The following ATP1A1 variants were observed in gnomAD, a reference collection of about 807,000 sequenced individuals.
The protein encoded by ATP1A1 is ATPase Na+/K+ transporting subunit alpha 1, also known as sodium/potassium-transporting ATPase subunit alpha-1.
In ATP1A1, 14 loss-of-function variants were observed where a neutral mutation model predicts 114.8. The ratio of observed to expected loss-of-function variants is 0.12; its 90% confidence interval spans 0.08 to 0.19. The LOEUF is 0.19. ATP1A1 is among the 10% of genes least tolerant of loss of function. ATP1A1 has a pLI of 1.00. For missense variants in ATP1A1, 524 were observed against 1,290.7 expected, an observed-to-expected ratio of 0.41 and a Z score of 9.10; for synonymous variants, 471 against 466.3, an observed-to-expected ratio of 1.01 and a Z score of -0.13.
chr1:116,391,476 C>A (rs554115967), intron 10 of ATP1A1, among the ~76,000 whole-genome samples: 114 of 152,162 alleles, frequency 7.5e-4, no homozygotes, highest in African/African-American at 2.6e-3. Flanking sequence ...ACTATGCTGC[C>A]CAAGTGAAGA....
At chr1:116,390,014 T>C in intron 8 of ATP1A1, 199 bp from the exon 9 acceptor site, 1 of 675,230 alleles carries the variant, frequency 1.5e-6, no homozygotes, top group Non-Finnish European at 2.5e-6. Flanking sequence ...ATCCTGTTAT[T>C]ATTTTTCTTA....
At chr1:116,380,774 C>G (rs1315758986) in intron 1 of ATP1A1, among the ~76,000 whole-genome samples, 1 of 152,088 alleles carries the variant, frequency 6.6e-6, no homozygotes, top group African/African-American at 2.4e-5. Flanking sequence ...TTCCCTCTAC[C>G]CAGATCAAAT....
chr1:116,373,330 C>A lies in ATP1A1; in HGVS notation c.-182C>A. The A allele has an allele frequency of 1.9e-6, 1 of 521,750 alleles. No individual in the cohort carries two copies. The highest frequency in any genetic ancestry group is 3.1e-6 in the Non-Finnish European group (1 of 326,144). 32.3% of individuals were successfully genotyped at this position (521,750 alleles called of 1,614,324 possible). On this transcript the variant is annotated 5_prime_UTR_variant, in exon 1 of 23. Coordinates refer to ENST00000295598, the MANE Select transcript of ATP1A1 (RefSeq NM_000701.8). ...GCGGTAGCAGCCCGGGCGGCGGCAG[C>A]AACAGCGGCGGCGGCATCGGCCCGA...
rs1376975840 is a variant in ATP1A1 at position 116,393,349 on chromosome 1, CATT to C, written c.1468-181_1468-179del. 7.4e-6 allele frequency among the ~76,000 whole-genome samples: 1 copy of C among 134,506 alleles called. No homozygotes were observed. Among genetic ancestry groups the C allele is most frequent in the Non-Finnish European group, 1.5e-5 (1 of 67,670 alleles). 88.2% of individuals were successfully genotyped at this position (134,506 alleles called of 152,430 possible). A position where few individuals can be genotyped will look rare whatever the true frequency, so the allele number is the denominator to read the frequency against. On this transcript the variant is annotated intron_variant, in intron 11 of 22. Transcript: ENST00000295598. The surrounding 1 kb of genome is among the most constrained non-coding windows in gnomAD (Gnocchi z 5.0). ...GAATTTATGAATATATCATAGTGCT[CATT>C]TTTTTTTTTTTCTGTAGCATTCAAA...
At chr1:116,394,972 C>G in intron 12 of ATP1A1, 138 bp from the exon 13 acceptor site, 1 of 807,816 alleles carries the variant, frequency 1.2e-6, no homozygotes, top group Non-Finnish European at 1.9e-6. Flanking sequence ...AACCCTCACT[C>G]TGTTATAAAA....
At position 116,404,558 on chromosome 1, in the gene ATP1A1, C is replaced by T. The variant is rs1193353823; in HGVS notation, c.*114C>T. On this transcript the variant is annotated 3_prime_UTR_variant, in exon 23 of 23. Transcript: ENST00000295598. The surrounding 1 kb of genome is among the most constrained non-coding windows in gnomAD (Gnocchi z 4.8). ...GGAACTCTACCCTGGTAGGAAAGCA[C>T]CGCAGCATGTGGGGAAGCAAGACGT... 1.4e-6 allele frequency: 2 copies of T among 1,446,182 alleles called. No homozygotes were observed. The highest frequency in any genetic ancestry group is 1.8e-6 in the Non-Finnish European group (2 of 1,101,570). 89.6% of individuals were successfully genotyped at this position (1,446,182 alleles called of 1,614,324 possible). A position where few individuals can be genotyped will look rare whatever the true frequency, so the allele number is the denominator to read the frequency against.
At position 116,385,780 on chromosome 1, in the gene ATP1A1, C is replaced by G. The variant is rs185069503; in HGVS notation, c.183+938C>G. On this transcript the variant is annotated intron_variant, in intron 3 of 22. Transcript: ENST00000295598. The surrounding 1 kb of genome is among the most constrained non-coding windows in gnomAD (Gnocchi z 4.3). The stretch of plus-strand genomic sequence containing the variant: ...GGAAACCTTGGTGGTGGGGAGAAAC[C>G]GCCACACCTTTGCTCACAGAAGTCA... 2.6e-5 allele frequency: 4 copies of G among 152,042 alleles called. No individual in the cohort carries two copies. Among genetic ancestry groups the G allele is most frequent in the Non-Finnish European group, 5.9e-5 (4 of 68,026 alleles). 9.4% of individuals were successfully genotyped at this position (152,042 alleles called of 1,614,324 possible).
intron 21 of ATP1A1, among the ~76,000 whole-genome samples, chr1:116,403,210 G>A (rs1273080679): frequency 6.6e-6 from 1 of 152,180 alleles, no homozygotes; most frequent in Non-Finnish European, 1.5e-5. Flanking sequence ...CACACAGGAA[G>A]AAGAGGAGAC....
chr1:116,394,098 T>G (rs1652704568), intron 12 of ATP1A1, among the ~76,000 whole-genome samples: 1 of 152,218 alleles, frequency 6.6e-6, no homozygotes, highest in South Asian at 2.1e-4. Flanking sequence ...TAATTAATTC[T>G]TAGTGTGTCT....
In ATP1A1 at chr1:116,401,361, T is replaced by C; in HGVS notation, c.2849+101T>C. 6.4e-7 allele frequency: 1 copy of C among 1,571,580 alleles called. No individual in the cohort carries two copies. Reference sequence around the variant, plus strand: ...TAAACATATGACACATATAGCCAGGTTTCTGGAATCTCTAGTTTATAGAGC... The same window carrying C: ...TAAACATATGACACATATAGCCAGGCTTCTGGAATCTCTAGTTTATAGAGC... On this transcript the variant is annotated intron_variant, in intron 20 of 22. Coordinates refer to ENST00000295598, the MANE Select transcript of ATP1A1 (RefSeq NM_000701.8). The surrounding 1 kb of genome is among the most constrained non-coding windows in gnomAD (Gnocchi z 4.7).
rs1364653060 is a variant in ATP1A1, at chr1:116,399,891, T to C, written c.2572+348T>C. On this transcript the variant is annotated intron_variant, in intron 18 of 22. Coordinates refer to ENST00000295598, the MANE Select transcript of ATP1A1 (RefSeq NM_000701.8). This position sits in a 1 kb window ranked among gnomAD's most constrained non-coding sequence, Gnocchi z 5.0. The stretch of plus-strand genomic sequence containing the variant: ...GTGTGTACTGACGCACAGGCTGCTT[T>C]CCCTGGAGATACACACTTATCTGTC... Among the ~76,000 whole-genome samples, 2 of 152,220 alleles carry C rather than the reference T, an allele frequency of 1.3e-5. No homozygotes were observed. The highest frequency in any genetic ancestry group is 2.9e-5 in the Non-Finnish European group (2 of 68,042).
At position 116,395,317 on chromosome 1, in the gene ATP1A1, C is replaced by T. The variant is rs375039182; in HGVS notation, c.1836+32C>T. ...CCCAGGCGCCTCCTTGGCTTCATCT[C>T]TTAGTGCCTTGGGACACCCTACTCA... On this transcript the variant is annotated intron_variant, in intron 13 of 22. Coordinates refer to ENST00000295598, the MANE Select transcript of ATP1A1 (RefSeq NM_000701.8). This position sits in a 1 kb window ranked among gnomAD's most constrained non-coding sequence, Gnocchi z 6.4. The T allele has an allele frequency of 1.2e-6, 2 of 1,608,864 alleles. No homozygotes were observed. The highest frequency in any genetic ancestry group is 1.3e-5 in the African/African-American group (1 of 74,784).
rs1205912784 is a variant in ATP1A1, at chr1:116,399,253, T to C, written c.2449-167T>C. 1.5e-6 allele frequency: 2 copies of C among 1,332,374 alleles called. No individual in the cohort carries two copies. Among genetic ancestry groups the C allele is most frequent in the Non-Finnish European group, 2.1e-6 (2 of 969,112 alleles). 82.5% of individuals were successfully genotyped at this position (1,332,374 alleles called of 1,614,324 possible). ...GGCTTCACAGAATCAGTATTACCAC[T>C]CTTCAAGGCAGCAGTTAACATTTGT... On this transcript the variant is annotated intron_variant, in intron 17 of 22. Transcript: ENST00000295598. This position sits in a 1 kb window ranked among gnomAD's most constrained non-coding sequence, Gnocchi z 5.0.
rs1305396793 is a variant in ATP1A1 at position 116,373,489 on chromosome 1, G to A, written c.-23G>A. On this transcript the variant is annotated 5_prime_UTR_variant, in exon 1 of 23. Coordinates refer to ENST00000295598, the MANE Select transcript of ATP1A1 (RefSeq NM_000701.8). Reference sequence around the variant, plus strand: ...TGATTCTCCAGCGACAGGACCCGGCGCCGGGCACTGAGCACCGCCACCATG... The same window carrying A: ...TGATTCTCCAGCGACAGGACCCGGCACCGGGCACTGAGCACCGCCACCATG... The A allele has an allele frequency of 1.3e-6, 2 of 1,511,958 alleles. No homozygotes were observed. The highest frequency in any genetic ancestry group is 1.8e-6 in the Non-Finnish European group (2 of 1,130,888). 93.7% of individuals were successfully genotyped at this position (1,511,958 alleles called of 1,614,324 possible). A position where few individuals can be genotyped will look rare whatever the true frequency, so the allele number is the denominator to read the frequency against.
chr1:116,401,304 G>T lies in ATP1A1; in HGVS notation c.2849+44G>T. On this transcript the variant is annotated intron_variant, in intron 20 of 22. Transcript: ENST00000295598. This position sits in a 1 kb window ranked among gnomAD's most constrained non-coding sequence, Gnocchi z 4.7. ...GTCAAGGCCTTGGCTCAAAGAAGGG[G>T]ACTGGTGATTTGTAAACCCTTTGCC... The T allele has an allele frequency of 1.9e-6, 3 of 1,611,194 alleles. No homozygotes were observed. The highest frequency in any genetic ancestry group is 1.1e-5 in the South Asian group (1 of 91,010).
At position 116,390,361 on chromosome 1, in the gene ATP1A1, T is replaced by C; in HGVS notation, c.1172T>C (p.Met391Thr). 6.2e-7 allele frequency: 1 copy of C among 1,614,130 alleles called. No individual in the cohort carries two copies. The highest frequency in any genetic ancestry group is 8.5e-7 in the Non-Finnish European group (1 of 1,180,024). The change falls in exon 9 of 23, where the codon ATG becomes ACG. Residue 391 changes from methionine to threonine, a missense_variant. Met to Thr is a moderately conservative substitution (Grantham distance 81). Coordinates refer to ENST00000295598, the MANE Select transcript of ATP1A1 (RefSeq NM_000701.8). ...LTQNRMTVAH[M>T]WFDNQIHEAD... Reference sequence around the variant, plus strand: ...CAGAACCGGATGACAGTGGCCCACATGTGGTTTGACAATCAAATCCATGAA... The same window carrying C: ...CAGAACCGGATGACAGTGGCCCACACGTGGTTTGACAATCAAATCCATGAA...
chr1:116,376,411 A>C (rs1422526537), intron 1 of ATP1A1, among the ~76,000 whole-genome samples: 1 of 152,166 alleles, frequency 6.6e-6, no homozygotes, highest in Non-Finnish European at 1.5e-5. Context: ...TTTAGACTTA[A>C]AGCATTGTAA....
rs1222477255 is a variant in ATP1A1 at position 116,399,275 on chromosome 1, T to C, written c.2449-145T>C. The C allele has an allele frequency of 7.2e-7, 1 of 1,379,798 alleles. No individual in the cohort carries two copies. The highest frequency in any genetic ancestry group is 2.3e-5 in the East Asian group (1 of 42,978). 85.5% of individuals were successfully genotyped at this position (1,379,798 alleles called of 1,614,324 possible). On this transcript the variant is annotated intron_variant, in intron 17 of 22. Coordinates refer to ENST00000295598, the MANE Select transcript of ATP1A1 (RefSeq NM_000701.8). The surrounding 1 kb of genome is among the most constrained non-coding windows in gnomAD (Gnocchi z 5.0). ...CACTCTTCAAGGCAGCAGTTAACAT[T>C]TGTTTATCAGATGGGAATCTTTATT...
At chr1:116,373,940 C>A in intron 1 of ATP1A1, 1 of 1,337,830 alleles carries the variant, frequency 7.5e-7, no homozygotes, top group Non-Finnish European at 9.6e-7. Context: ...GCCGTCACCT[C>A]CTTCTCCTTC....
Sources: gnomAD v4.1 joint callset for allele counts (sites outside exome capture counted in the v4.1 genomes callset) on GRCh38, gnomAD v4.1.1 for gene constraint, Gnocchi (gnomAD v3.1) non-coding constraint, MANE v1.5 for transcripts, NCBI Gene and HGNC (gene_info 2026-07-23, HGNC 2026-07-21) for gene names.